The following ADAMTS3 variants were observed in gnomAD, a reference collection of about 807,000 sequenced individuals.
The protein encoded by ADAMTS3 is A disintegrin and metalloproteinase with thrombospondin motifs 3.
In ADAMTS3, 73 loss-of-function variants were observed where a neutral mutation model predicts 129.0. The ratio of observed to expected loss-of-function variants is 0.57; its 90% CI spans 0.47 to 0.69. The LOEUF (loss-of-function observed/expected upper bound fraction) is 0.69. Ranked by LOEUF, ADAMTS3 falls within the 30% of genes least tolerant of loss-of-function variation. The pLI is 0.00. For synonymous variants in ADAMTS3, 477 were observed against 510.8 expected (o/e 0.93, Z 0.89); for missense variants, 1,457 against 1,514.5 (o/e 0.96, Z 0.63).
intron 3 of ADAMTS3, among the ~76,000 whole-genome samples, chr4:72,433,070 A>T (rs1722736649): frequency 6.6e-6 from 1 of 151,972 alleles, no homozygotes; most frequent in African/African-American, 2.4e-5. Context: ...AACAGTTTAC[A>T]GTATTGAAAT....
In ADAMTS3 at chr4:72,376,140, A is replaced by T. The variant is rs190680804; in HGVS notation, c.662-36447T>A. The stretch of plus-strand genomic sequence containing the variant: ...CTACATACATTTAAATATAAGTAAA[A>T]TGTCAAAGAATAATGCCTTAGTGTG... On this transcript the variant is annotated intron_variant, in intron 4 of 21. Transcript: ENST00000286657. Among the ~76,000 whole-genome samples, 4 of 152,266 alleles carry T rather than the reference A, an allele frequency of 2.6e-5. No individual in the cohort carries two copies. The East Asian group carries it at 5.8e-4, about 22-fold the overall frequency.
chr4:72,285,924 T>A (rs1003079725), intron 21 of ADAMTS3, among the ~76,000 whole-genome samples: 5 of 152,200 alleles, frequency 3.3e-5, no homozygotes, highest in African/African-American at 1.2e-4. Flanking sequence ...ACACATGGTC[T>A]CAAAAGGCCA....
Position 72,295,410 on chromosome 4 carries a change from T to C in ADAMTS3, c.2723+244A>G, listed in dbSNP as rs190148679. On this transcript the variant is annotated intron_variant, in intron 19 of 21. Coordinates refer to ENST00000286657, the MANE Select transcript of ADAMTS3 (RefSeq NM_014243.3). The stretch of plus-strand genomic sequence containing the variant: ...TAGAAGCAAAAACATTTGACTTAGA[T>C]GGAAGCAAGTAATTACCAAATATCA... 1.1e-3 allele frequency among the ~76,000 whole-genome samples: 160 copies of C among 152,154 alleles called. 3 individuals are homozygous for C. Among genetic ancestry groups the C allele is most frequent in the African/African-American group, 3.8e-3 (158 of 41,550 alleles).
chr4:72,373,686 C>A (rs1721068379), intron 4 of ADAMTS3, among the ~76,000 whole-genome samples: 1 of 151,830 alleles, frequency 6.6e-6, no homozygotes, highest in Non-Finnish European at 1.5e-5. Context: ...ATCACTTGGA[C>A]CCAGATGTTT....
At chr4:72,492,258 A>C (rs1381837418) in intron 3 of ADAMTS3, among the ~76,000 whole-genome samples, 5 of 149,106 alleles carry the variant, frequency 3.4e-5, no homozygotes, top group Non-Finnish European at 6.0e-5. Flanking sequence ...TATTTGATTT[A>C]TTTCTTTTCT....
intron 5 of ADAMTS3, among the ~76,000 whole-genome samples, chr4:72,329,039 T>C (rs775837729): frequency 6.6e-6 from 1 of 152,216 alleles, no homozygotes; most frequent in Non-Finnish European, 1.5e-5. Flanking sequence ...AACTACTGTT[T>C]AGTGATATAC....
At chr4:72,562,618 T>C (rs2679032) in intron 2 of ADAMTS3, among the ~76,000 whole-genome samples, 146,807 of 152,218 alleles carry the variant, frequency 0.96, 71,033 homozygotes, top group East Asian at 1. Flanking sequence ...TGAAAGAAGT[T>C]TGAATAAGAA....
In ADAMTS3 at chr4:72,280,996, C is replaced by T. The variant is rs547864061; in HGVS notation, c.*2140G>A. ...TATTTTGTTAACATTTTTATTGGTA[C>T]GTGCTCTCAGTACAACAAACAGCAT... On this transcript the variant is annotated 3_prime_UTR_variant, in exon 22 of 22. Transcript: ENST00000286657. 1 of 152,522 alleles carries T rather than the reference C, an allele frequency of 6.6e-6. No individual in the cohort carries two copies. Among genetic ancestry groups the T allele is most frequent in the Admixed American group, 6.5e-5 (1 of 15,268 alleles). The allele number at this position is 152,522 out of a possible 1,614,324, so 9.4% of individuals were successfully genotyped here.
At chr4:72,530,836 A>G (rs1380165527) in intron 3 of ADAMTS3, among the ~76,000 whole-genome samples, 1 of 122,876 alleles carries the variant, frequency 8.1e-6, no homozygotes, top group Non-Finnish European at 1.6e-5. Flanking sequence ...GATTATATAT[A>G]ATATATAATA....
intron 3 of ADAMTS3, among the ~76,000 whole-genome samples, chr4:72,465,977 G>T (rs1418118159): frequency 1.3e-5 from 2 of 152,034 alleles, no homozygotes; most frequent in African/African-American, 4.8e-5. Flanking sequence ...ATGTGAAACT[G>T]TGAGTCAATT....
At chr4:72,481,528 T>C (rs1035503224) in intron 3 of ADAMTS3, among the ~76,000 whole-genome samples, 2 of 152,134 alleles carry the variant, frequency 1.3e-5, no homozygotes, top group Admixed American at 1.3e-4. Flanking sequence ...AAATTTTATA[T>C]CTGAAGCAAA....
chr4:72,431,327 A>C (rs1722693770), intron 3 of ADAMTS3, among the ~76,000 whole-genome samples: 1 of 151,998 alleles, frequency 6.6e-6, no homozygotes, highest in East Asian at 1.9e-4. Context: ...TGCCCCATTA[A>C]AGCTAAAATA....
intron 3 of ADAMTS3, among the ~76,000 whole-genome samples, chr4:72,517,757 A>G (rs1720532597): frequency 6.6e-6 from 1 of 151,562 alleles, no homozygotes; most frequent in Admixed American, 6.6e-5. Context: ...CTAGTGGTCT[A>G]TCAATTTTGT....
intron 3 of ADAMTS3, among the ~76,000 whole-genome samples, chr4:72,443,787 A>C (rs1718181219): frequency 6.6e-6 from 1 of 151,532 alleles, no homozygotes; most frequent in African/African-American, 2.4e-5. Flanking sequence ...ATTATTCCTC[A>C]AAATCCTGGC....
At chr4:72,446,368 T>C (rs1488173663) in intron 3 of ADAMTS3, among the ~76,000 whole-genome samples, 5 of 151,630 alleles carry the variant, frequency 3.3e-5, no homozygotes, top group Non-Finnish European at 7.4e-5. Flanking sequence ...GAATGAGACC[T>C]CAATAGGACT....
chr4:72,301,513 C>T (rs1197105729), intron 17 of ADAMTS3, among the ~76,000 whole-genome samples: 1 of 151,772 alleles, frequency 6.6e-6, no homozygotes, highest in Non-Finnish European at 1.5e-5. Context: ...GAAGAAAAAC[C>T]CTAAAAATTG....
At chr4:72,551,184 T>A (rs1280186908) in intron 2 of ADAMTS3, among the ~76,000 whole-genome samples, 1 of 152,058 alleles carries the variant, frequency 6.6e-6, no homozygotes, top group Non-Finnish European at 1.5e-5. Context: ...GGATTTCCCA[T>A]CTCCACTGAA....
At chr4:72,433,063 A>T (rs1722736419) in intron 3 of ADAMTS3, among the ~76,000 whole-genome samples, 1 of 152,072 alleles carries the variant, frequency 6.6e-6, no homozygotes, top group Non-Finnish European at 1.5e-5. Context: ...AGCCCAAAAC[A>T]GTTTACAGTA....
At chr4:72,379,474 T>C (rs1369093) in intron 4 of ADAMTS3, among the ~76,000 whole-genome samples, 22,897 of 147,936 alleles carry the variant, frequency 0.15, 3,315 homozygotes, top group African/African-American at 0.34. Flanking sequence ...ACTAGATAAA[T>C]CAATTAGAGA....
Sources: gnomAD v4.1 joint callset for allele counts (sites outside exome capture counted in the v4.1 genomes callset) on GRCh38, gnomAD v4.1.1 for gene constraint, MANE v1.5 for transcripts, NCBI Gene and HGNC (gene_info 2026-07-23, HGNC 2026-07-21) for gene names.